Variants in ZMYM2 observed in about 807,000 individuals in gnomAD.
ZMYM2 encodes zinc finger MYM-type protein 2.
Under a neutral mutation model 162.8 loss-of-function variants are expected in ZMYM2, and 56 were observed. The ratio of observed to expected loss-of-function variants is 0.34; its 90% CI spans 0.28 to 0.43. The LOEUF (loss-of-function observed/expected upper bound fraction) is 0.43. Ranked by LOEUF, ZMYM2 falls within the 20% of genes least tolerant of loss-of-function variation. ZMYM2 has a pLI of 1.00. For missense variants in ZMYM2, 1,275 were observed against 1,621.8 expected (o/e 0.79, Z 3.67); for synonymous variants, 510 against 541.6 (o/e 0.94, Z 0.81).
chr13:20,006,325 A>C, intron 5 of ZMYM2, 49 bp from the exon 6 acceptor site: 1 of 1,491,230 alleles, frequency 6.7e-7, no homozygotes, highest in East Asian at 2.5e-5. Context: ...TTATTTAGCT[A>C]CTTGTCAGAT....
the ZMYM2 span, among the ~76,000 whole-genome samples, chr13:19,904,644 C>T: frequency 6.6e-6 from 1 of 152,132 alleles, no homozygotes; most frequent in Non-Finnish European, 1.5e-5. Context: ...GTAAAAATTA[C>T]CTGTCATTCA....
the ZMYM2 span, among the ~76,000 whole-genome samples, chr13:19,951,558 C>A: frequency 9.6e-5 from 10 of 104,484 alleles, no homozygotes; most frequent in Non-Finnish European, 1.8e-4. Flanking sequence ...AAAAATTTAC[C>A]GGGGGTCGTG....
chr13:20,047,782 C>G (rs375577432), intron 12 of ZMYM2, among the ~76,000 whole-genome samples: 2 of 152,026 alleles, frequency 1.3e-5, no homozygotes, highest in African/African-American at 4.8e-5. Context: ...TAAATTCTTT[C>G]TCTTCTAAAT....
At chr13:19,904,242 T>C in the ZMYM2 span, among the ~76,000 whole-genome samples, 3 of 152,122 alleles carry the variant, frequency 2.0e-5, no homozygotes, top group Admixed American at 6.6e-5. Context: ...ATATCAAACC[T>C]ATGTCACTGG....
chr13:20,016,926 C>T (rs893873013), intron 6 of ZMYM2, among the ~76,000 whole-genome samples: 4 of 152,066 alleles, frequency 2.6e-5, no homozygotes, highest in African/African-American at 9.7e-5. Flanking sequence ...AATCTTTTGC[C>T]CCTTTCTCTT....
the ZMYM2 span, among the ~76,000 whole-genome samples, chr13:19,931,930 T>G: frequency 1.3e-5 from 2 of 152,236 alleles, no homozygotes; most frequent in Admixed American, 6.5e-5. Context: ...CAGTTCCTTA[T>G]TTCCTTTTTA....
chr13:19,904,531 C>T, the ZMYM2 span, among the ~76,000 whole-genome samples: 46 of 152,002 alleles, frequency 3.0e-4, no homozygotes, highest in Non-Finnish European at 5.1e-4. Flanking sequence ...GCACTCCAGC[C>T]TGGGCAACAA....
At chr13:20,037,491 G>C (rs906821915) in intron 12 of ZMYM2, among the ~76,000 whole-genome samples, 1 of 152,104 alleles carries the variant, frequency 6.6e-6, no homozygotes, top group African/African-American at 2.4e-5. Flanking sequence ...TGAGATTACA[G>C]GCGTGAGCCA....
At chr13:20,075,859 T>A (rs1170247814) in intron 21 of ZMYM2, among the ~76,000 whole-genome samples, 1 of 151,654 alleles carries the variant, frequency 6.6e-6, no homozygotes, top group Non-Finnish European at 1.5e-5. Context: ...TAGTTGGGTT[T>A]TTTTTCCCCC....
Position 19,993,111 on chromosome 13 carries a change from T to G in ZMYM2, c.39T>G (p.Asp13Glu). The change falls in exon 3 of 25, where the codon GAT becomes GAG. Residue 13 changes from aspartate to glutamate, a missense_variant. Physicochemically the swap from Asp to Glu is conservative, Grantham distance 45 (BLOSUM62 2). This residue lies in a region of ZMYM2 where 295 missense variants were observed against 286.7 expected (regional missense o/e 1.03). Transcript: ENST00000610343. ...TSSVGGLELT[D>E]QTPVLLGSTA... ...CAGTGGGAGGATTAGAATTGACTGATCAGACTCCTGTTTTATTAGGGAGTA... is the reference window on the plus strand; with the variant it reads ...CAGTGGGAGGATTAGAATTGACTGAGCAGACTCCTGTTTTATTAGGGAGTA... The G allele has an allele frequency of 6.2e-7, 1 of 1,613,754 alleles. No homozygotes were observed. The highest frequency in any genetic ancestry group is 2.2e-5 in the East Asian group (1 of 44,874).
chr13:19,872,972 C>G, the ZMYM2 span, among the ~76,000 whole-genome samples: 2 of 151,086 alleles, frequency 1.3e-5, no homozygotes. Context: ...TGCACTCCAG[C>G]CAGGGTGACA....
chr13:20,003,186 A>G (rs965706987), intron 4 of ZMYM2, 51 bp downstream of exon 4: 85 of 1,540,292 alleles, frequency 5.5e-5, no homozygotes, highest in Non-Finnish European at 7.1e-5. Flanking sequence ...TTGGAGTTGT[A>G]AAATTTTAAG....
At chr13:20,060,659 CAA>C (rs1305251139) in intron 16 of ZMYM2, among the ~76,000 whole-genome samples, 1 of 149,082 alleles carries the variant, frequency 6.7e-6, no homozygotes, top group Non-Finnish European at 1.5e-5. Flanking sequence ...GCCTGGGCAA[CAA>C]GAGTGAAATT....
chr13:19,988,990 A>G (rs1949396117), intron 2 of ZMYM2, among the ~76,000 whole-genome samples: 1 of 152,102 alleles, frequency 6.6e-6, no homozygotes, highest in South Asian at 2.1e-4. Flanking sequence ...GAAACTCTAG[A>G]TTAAAGCAGA....
At chr13:19,883,702 CAT>C in the ZMYM2 span, among the ~76,000 whole-genome samples, 2 of 152,290 alleles carry the variant, frequency 1.3e-5, no homozygotes, top group East Asian at 3.9e-4. Context: ...ATGAATTAAA[CAT>C]GTGTAAGACA....
At chr13:19,894,817 G>A in the ZMYM2 span, among the ~76,000 whole-genome samples, 2 of 151,728 alleles carry the variant, frequency 1.3e-5, no homozygotes, top group African/African-American at 2.4e-5. Context: ...TAGGACGGAC[G>A]CAGTGGCTCA....
At chr13:20,048,444 G>A (rs564126014) in intron 12 of ZMYM2, among the ~76,000 whole-genome samples, 1 of 151,880 alleles carries the variant, frequency 6.6e-6, no homozygotes, top group South Asian at 2.1e-4. Context: ...AAAAAAATTT[G>A]TAGCGAATCA....
At chr13:20,012,175 G>T (rs539071515) in intron 6 of ZMYM2, among the ~76,000 whole-genome samples, 1 of 151,214 alleles carries the variant, frequency 6.6e-6, no homozygotes, top group Non-Finnish European at 1.5e-5. Flanking sequence ...GTGAGCCTCC[G>T]CCCCTGGTCT....
chr13:20,027,958 T>A (rs985985604), intron 9 of ZMYM2: 3 of 176,490 alleles, frequency 1.7e-5, no homozygotes, highest in African/African-American at 7.1e-5. Flanking sequence ...TACGATTAGG[T>A]TTACCTGTTG....
Sources: gnomAD v4.1 joint callset for allele counts (sites outside exome capture counted in the v4.1 genomes callset) on GRCh38, gnomAD v4.1.1 for gene constraint, gnomAD v4.1.1 regional missense constraint, MANE v1.5 for transcripts, NCBI Gene and HGNC (gene_info 2026-07-23, HGNC 2026-07-21) for gene names.